FBLN2: variants seen among roughly 807,000 people sequenced by gnomAD.
FBLN2 encodes the protein fibulin 2, also known as fibulin-2.
A neutral mutation model predicts 123.7 loss-of-function variants in FBLN2; 81 were observed. The observed-to-expected ratio is 0.65, with a 90% CI of 0.55 to 0.79. The LOEUF is 0.79. Ranked by LOEUF, FBLN2 falls within the 30% of genes least tolerant of loss-of-function variation. FBLN2 has a pLI of 0.00. For synonymous variants in FBLN2, 699 were observed against 701.4 expected, an observed-to-expected ratio of 1.00 and a Z score of 0.05; for missense variants, 1,603 against 1,681.3, an observed-to-expected ratio of 0.95 and a Z score of 0.81.
intron 1 of FBLN2, among the ~76,000 whole-genome samples, chr3:13,558,383 C>T (rs896077192): frequency 5.3e-5 from 8 of 152,038 alleles, no homozygotes; most frequent in African/African-American, 1.7e-4. Context: ...CCCCCCACCC[C>T]GCCACCCAAG....
chr3:13,592,889 C>T (rs867715269), intron 2 of FBLN2, among the ~76,000 whole-genome samples: 4 of 152,278 alleles, frequency 2.6e-5, no homozygotes, highest in South Asian at 4.1e-4. Context: ...TGGCTGAGCT[C>T]GCTCAGGTGT....
chr3:13,634,342 T>C (rs1424233028), intron 16 of FBLN2, among the ~76,000 whole-genome samples: 6 of 152,216 alleles, frequency 3.9e-5, no homozygotes, highest in Admixed American at 2.0e-4. Flanking sequence ...GCAGCGCCGA[T>C]GGGCGAGGCC....
chr3:13,570,745 C>T lies in FBLN2; in HGVS notation c.390C>T (p.Ser130=). The T allele has an allele frequency of 1.2e-6, 2 of 1,601,310 alleles. No homozygotes were observed. Among genetic ancestry groups the T allele is most frequent in the Non-Finnish European group, 1.7e-6 (2 of 1,174,480 alleles). ...TCGAGGCTGTAGTGGTGGCTGACAG[C>T]TGCCCACAGTGCGGCCAGGTGGGCT... ...NCIEAVVVAD[S]CPQCGQVGCV... The change falls in exon 2 of 18, where the codon AGC becomes AGT. Residue 130 remains serine, a synonymous_variant. Transcript: ENST00000404922.
chr3:13,599,706 G>T (rs3773272), intron 2 of FBLN2, among the ~76,000 whole-genome samples: 60,894 of 149,926 alleles, frequency 0.41, 12,388 homozygotes, highest in Non-Finnish European at 0.42. Flanking sequence ...GGAGGCGGGG[G>T]ATGAGGGATT....
rs1175665765 is a variant in FBLN2, at chr3:13,549,141, C to T, written c.-109C>T. On this transcript the variant is annotated 5_prime_UTR_variant, in exon 1 of 18. Coordinates refer to ENST00000404922, the MANE Select transcript of FBLN2 (RefSeq NM_001004019.2). ...GCCCCGCGCGCACACAGCCAGGGGCCGCCCGGGCTCTCGACGCGCCGACGG... is the reference window on the plus strand; with the variant it reads ...GCCCCGCGCGCACACAGCCAGGGGCTGCCCGGGCTCTCGACGCGCCGACGG... The T allele has an allele frequency of 1.0e-6, 1 of 982,770 alleles. No individual in the cohort carries two copies. The highest frequency in any genetic ancestry group is 4.7e-5 in the South Asian group (1 of 21,274). 60.9% of individuals were successfully genotyped at this position (982,770 alleles called of 1,614,324 possible). A position where few individuals can be genotyped will look rare whatever the true frequency, so the allele number is the denominator to read the frequency against.
chr3:13,600,213 C>T (rs1574972523), intron 2 of FBLN2, among the ~76,000 whole-genome samples: 1 of 152,054 alleles, frequency 6.6e-6, no homozygotes, highest in Admixed American at 6.5e-5. Flanking sequence ...GATGAGGGTA[C>T]TCACTCATCG....
chr3:13,570,564 A>G lies in FBLN2; in HGVS notation c.209A>G (p.Tyr70Cys). 1.9e-6 allele frequency: 3 copies of G among 1,589,804 alleles called. No homozygotes were observed. The highest frequency in any genetic ancestry group is 2.6e-6 in the Non-Finnish European group (3 of 1,169,518). Residue 70 changes from tyrosine (Y) to cysteine (C), a missense_variant, in exon 2 of 18, where the codon TAC becomes TGC. Coordinates refer to ENST00000404922, the MANE Select transcript of FBLN2 (RefSeq NM_001004019.2). ...GGCTGCGCCTGCGAGGGCTACCAGT[A>G]CTATGACTGCCTACAGGGTGGCTTC... is the stretch of plus-strand genomic sequence containing the variant. The part of the protein sequence containing the change: ...QQGCACEGYQ[Y>C]YDCLQGGFVR...
chr3:13,584,099 G>A (rs3773284), intron 2 of FBLN2, among the ~76,000 whole-genome samples: 17,351 of 152,240 alleles, frequency 0.11, 1,044 homozygotes, highest in South Asian at 0.22. Flanking sequence ...TCCTGCTGTT[G>A]CCCTGGGGCC....
chr3:13,615,625 A>G (rs1424894633), intron 5 of FBLN2, among the ~76,000 whole-genome samples: 2 of 152,232 alleles, frequency 1.3e-5, no homozygotes, highest in African/African-American at 4.8e-5. Flanking sequence ...AGGATGAATG[A>G]TAGGATGCCT....
intron 2 of FBLN2, among the ~76,000 whole-genome samples, chr3:13,600,912 G>A (rs768305411): frequency 8.5e-5 from 13 of 152,290 alleles, no homozygotes; most frequent in Non-Finnish European, 1.6e-4. Context: ...CACTGCACCT[G>A]GCCATTTGTA....
intron 9 of FBLN2, 55 bp downstream of exon 9, chr3:13,621,970 G>A (rs1414046250): frequency 1.1e-5 from 18 of 1,582,450 alleles, no homozygotes; most frequent in African/African-American, 1.3e-5. Context: ...TCTGCTCCAC[G>A]CCAAGCCCAC....
At chr3:13,596,094 A>G (rs1265811630) in intron 2 of FBLN2, among the ~76,000 whole-genome samples, 2 of 152,204 alleles carry the variant, frequency 1.3e-5, no homozygotes. Flanking sequence ...GTGCATGCAG[A>G]TCTAACGCTT....
chr3:13,588,714 T>C (rs1429387928), intron 2 of FBLN2, among the ~76,000 whole-genome samples: 1 of 152,256 alleles, frequency 6.6e-6, no homozygotes, highest in African/African-American at 2.4e-5. Context: ...AAAGATCCAG[T>C]TTATATTATG....
intron 9 of FBLN2, among the ~76,000 whole-genome samples, chr3:13,626,189 G>A (rs934891352): frequency 6.6e-6 from 1 of 152,200 alleles, no homozygotes; most frequent in African/African-American, 2.4e-5. Context: ...GCCCCACAAG[G>A]GCAGGGATTT....
intron 4 of FBLN2, 42 bp downstream of exon 4, chr3:13,609,684 C>CGGGGGGGGGGGG: frequency 5.1e-6 from 1 of 196,566 alleles, no homozygotes; most frequent in Non-Finnish European, 9.5e-6. Flanking sequence ...TGGGGTGGGG[C>CGGGGGGGGGGGG]GGGGCGGGAG....
chr3:13,631,469 C>T lies in FBLN2; in HGVS notation c.3214+12C>T, dbSNP rs1413974718. The T allele has an allele frequency of 6.4e-7, 1 of 1,571,252 alleles. No homozygotes were observed. The highest frequency in any genetic ancestry group is 8.6e-7 in the Non-Finnish European group (1 of 1,157,768). ...GAGGTCCTGCAAGGGTGAGCAAGTC[C>T]CCCCACACGCCCCCGCCTCCATCAG... is the stretch of plus-strand genomic sequence containing the variant. On this transcript the variant is annotated intron_variant, in intron 16 of 17. Transcript: ENST00000404922.
intron 1 of FBLN2, among the ~76,000 whole-genome samples, chr3:13,560,169 A>G (rs1450234986): frequency 6.6e-6 from 1 of 152,170 alleles, no homozygotes; most frequent in Non-Finnish European, 1.5e-5. Flanking sequence ...TGGTAATGAG[A>G]TTAGTGATTG....
At chr3:13,570,211 T>C (rs1482649411) in intron 1 of FBLN2, 104 bp from the exon 2 acceptor site, 4 of 1,257,018 alleles carry the variant, frequency 3.2e-6, no homozygotes, top group South Asian at 3.3e-5. Flanking sequence ...AGCGCATGCG[T>C]GTGAGGTGGC....
chr3:13,628,438 C>T (rs1452656828), intron 11 of FBLN2, among the ~76,000 whole-genome samples: 3 of 152,126 alleles, frequency 2.0e-5, no homozygotes, highest in Non-Finnish European at 2.9e-5. Flanking sequence ...GATTCCATGC[C>T]GTACTCGAGG....
Sources: allele counts gnomAD v4.1 joint callset (sites outside exome capture counted in the v4.1 genomes callset), GRCh38; gene constraint gnomAD v4.1.1; transcripts MANE v1.5; gene names NCBI Gene and HGNC (gene_info 2026-07-23, HGNC 2026-07-21).